BIRC6: variants seen among roughly 807,000 people sequenced by gnomAD.
BIRC6 encodes dual E2 ubiquitin-conjugating enzyme/E3 ubiquitin-protein ligase BIRC6.
BIRC6 carries 98 observed loss-of-function variants against 503.3 expected under a neutral mutation model. The observed-to-expected ratio is 0.19, with a 90% CI of 0.17 to 0.23. The LOEUF (loss-of-function observed/expected upper bound fraction) is 0.23. Ranked by LOEUF, BIRC6 falls within the 10% of genes least tolerant of loss-of-function variation. The pLI is 1.00. For synonymous variants in BIRC6, 2,240 were observed against 2,078.7 expected (o/e 1.08, Z -2.11); for missense variants, 5,360 against 5,806.0 (o/e 0.92, Z 2.50).
Position 32,538,993 on chromosome 2 carries a change from T to C in BIRC6, c.12292-4248T>C, listed in dbSNP as rs77238993. On this transcript the variant is annotated intron_variant, in intron 61 of 73. Transcript: ENST00000421745. ...TTTGAAAAGCAAACGTTTGTCAGAATAGAGGAAAAAGCAAAGCCCAAGTAT... is the reference window on the plus strand; with the variant it reads ...TTTGAAAAGCAAACGTTTGTCAGAACAGAGGAAAAAGCAAAGCCCAAGTAT... Among the ~76,000 whole-genome samples, 687 of 152,230 alleles carry C rather than the reference T, an allele frequency of 4.5e-3. 5 individuals carry two copies. The highest frequency in any genetic ancestry group is 0.016 in the African/African-American group (661 of 41,534).
chr2:32,375,947 A>C (rs1476378678), intron 1 of BIRC6, among the ~76,000 whole-genome samples: 1 of 152,050 alleles, frequency 6.6e-6, no homozygotes, highest in East Asian at 1.9e-4. Flanking sequence ...GCTCTTTGGG[A>C]GGCCCAGGCG....
At chr2:32,416,624 A>C (rs915706534) in intron 10 of BIRC6, among the ~76,000 whole-genome samples, 1 of 152,088 alleles carries the variant, frequency 6.6e-6, no homozygotes, top group African/African-American at 2.4e-5. Flanking sequence ...TACTTAGCAA[A>C]CAATTTTTAG....
At chr2:32,553,110 T>C (rs2058537529) in intron 65 of BIRC6, among the ~76,000 whole-genome samples, 1 of 135,470 alleles carries the variant, frequency 7.4e-6, no homozygotes, top group Non-Finnish European at 1.5e-5. Context: ...GGCAGGAGAA[T>C]CGCTTGAACC....
At chr2:32,577,727 C>G (rs1456816363) in intron 66 of BIRC6, among the ~76,000 whole-genome samples, 1 of 152,120 alleles carries the variant, frequency 6.6e-6, no homozygotes, top group Admixed American at 6.5e-5. Context: ...AGAAAGGAAT[C>G]TTCTTTATAA....
In BIRC6 at chr2:32,430,948, C is replaced by T; in HGVS notation, c.3106C>T (p.Pro1036Ser). 6.2e-7 allele frequency: 1 copy of T among 1,613,066 alleles called. No homozygotes were observed. The highest frequency in any genetic ancestry group is 8.5e-7 in the Non-Finnish European group (1 of 1,179,750). Residue 1036 changes from proline to serine, a missense_variant, in exon 12 of 74, where the codon CCA becomes TCA. Pro to Ser is a moderately conservative substitution (Grantham distance 74). Transcript: ENST00000421745. Reference protein sequence around the residue: ...VELTRFETLTPRFSATVPPCW... With the variant: ...VELTRFETLTSRFSATVPPCW... ...GCTAACCCGCTTTGAGACTTTGACT[C>T]CAAGGTTTTCAGCGACTGTTCCTCC...
chr2:32,431,037 A>G lies in BIRC6; in HGVS notation c.3195A>G (p.Gln1065=). ...QRRHPQHLHQ[Q]HHGDAAQHTR... is the part of the protein sequence containing the mutation. ...GGCATCCTCAACATTTGCATCAGCA[A>G]CACCATGGTGATGCTGCTCAGCATA... The change falls in exon 12 of 74, where the codon CAA becomes CAG. Residue 1065 remains glutamine, a synonymous_variant. Coordinates refer to ENST00000421745, the MANE Select transcript of BIRC6 (RefSeq NM_016252.4). The G allele has an allele frequency of 1.9e-6, 3 of 1,613,224 alleles. No homozygotes were observed. The highest frequency in any genetic ancestry group is 2.5e-6 in the Non-Finnish European group (3 of 1,179,568).
At chr2:32,565,570 C>T (rs1166019870) in intron 65 of BIRC6, 2 of 152,116 alleles carry the variant, frequency 1.3e-5, no homozygotes, top group Non-Finnish European at 2.9e-5. Flanking sequence ...ACAGATAGTA[C>T]TAACCAGTGC....
At chr2:32,543,666 G>A (rs1429320184) in intron 62 of BIRC6, 125 bp downstream of exon 62, 2 of 887,480 alleles carry the variant, frequency 2.3e-6, no homozygotes, top group Non-Finnish European at 1.7e-6. Flanking sequence ...TTTGTAAGTG[G>A]TAGCTCACTT....
intron 68 of BIRC6, among the ~76,000 whole-genome samples, chr2:32,597,031 T>G (rs1385284005): frequency 6.6e-6 from 1 of 152,230 alleles, no homozygotes; most frequent in African/African-American, 2.4e-5. Context: ...TAATCAAGTT[T>G]GCTCCCCATT....
chr2:32,571,433 C>T (rs1419545451), intron 65 of BIRC6, among the ~76,000 whole-genome samples: 2 of 83,576 alleles, frequency 2.4e-5, no homozygotes, highest in African/African-American at 9.4e-5. Context: ...GATTGAATCT[C>T]ACTGCTTGTT....
intron 3 of BIRC6, among the ~76,000 whole-genome samples, chr2:32,385,730 A>G (rs2038353519): frequency 6.6e-6 from 1 of 152,228 alleles, no homozygotes; most frequent in African/African-American, 2.4e-5. Context: ...GTCTTGTTGC[A>G]GAGTTTCTTG....
chr2:32,599,663 A>G (rs2061922224), intron 69 of BIRC6, 76 bp from the exon 70 acceptor site: 3 of 1,454,450 alleles, frequency 2.1e-6, no homozygotes, highest in Admixed American at 3.6e-5. Flanking sequence ...TTCTTATTTC[A>G]TGTTGGATTG....
intron 66 of BIRC6, among the ~76,000 whole-genome samples, chr2:32,589,467 C>A: frequency 6.6e-6 from 1 of 152,146 alleles, no homozygotes; most frequent in East Asian, 1.9e-4. Flanking sequence ...TAAGCTGGAT[C>A]TTCTAGCACT....
chr2:32,604,840 C>CG (rs1294037343), intron 71 of BIRC6, among the ~76,000 whole-genome samples: 1 of 151,540 alleles, frequency 6.6e-6, no homozygotes, highest in African/African-American at 2.4e-5. Flanking sequence ...TGGTACTAAG[C>CG]GTAGTATGCA....
intron 13 of BIRC6, among the ~76,000 whole-genome samples, chr2:32,434,651 C>T (rs952499322): frequency 2.6e-5 from 4 of 151,912 alleles, no homozygotes; most frequent in Non-Finnish European, 2.9e-5. Context: ...AATTTGAGAC[C>T]AGCCTGGGAA....
At chr2:32,517,698 C>G (rs1274813478) in intron 55 of BIRC6, among the ~76,000 whole-genome samples, 1 of 152,086 alleles carries the variant, frequency 6.6e-6, no homozygotes, top group African/African-American at 2.4e-5. Context: ...CTCAGCCTCC[C>G]AAGTAGCTGG....
rs955943619 is a variant in BIRC6 at position 32,575,428 on chromosome 2, C to T, written c.13355+62C>T. On this transcript the variant is annotated intron_variant, in intron 66 of 73. Transcript: ENST00000421745. ...TCTAACAATGTTTTTAAAATAACTC[C>T]ATGGGTGTTTTTGTTTTTCAGTGAT... 5.4e-6 allele frequency: 8 copies of T among 1,484,646 alleles called. No homozygotes were observed. The African/African-American group carries it at 9.7e-5, about 18-fold the overall frequency. The allele number at this position is 1,484,646 out of a possible 1,614,324, so 92.0% of individuals were successfully genotyped here. A position where few individuals can be genotyped will look rare whatever the true frequency, so the allele number is the denominator to read the frequency against.
intron 65 of BIRC6, among the ~76,000 whole-genome samples, chr2:32,568,505 A>G (rs2059691378): frequency 6.6e-6 from 1 of 151,018 alleles, no homozygotes; most frequent in African/African-American, 2.4e-5. Context: ...AAAAAAAAAA[A>G]AAAGGAAAAT....
At chr2:32,422,040 T>C (rs2043003779) in intron 10 of BIRC6, among the ~76,000 whole-genome samples, 1 of 152,216 alleles carries the variant, frequency 6.6e-6, no homozygotes, top group Non-Finnish European at 1.5e-5. Flanking sequence ...TCTGATGTAT[T>C]GGTTCTTTTG....
Sources: gnomAD v4.1 joint callset for allele counts (sites outside exome capture counted in the v4.1 genomes callset) on GRCh38, gnomAD v4.1.1 for gene constraint, MANE v1.5 for transcripts, NCBI Gene and HGNC (gene_info 2026-07-23, HGNC 2026-07-21) for gene names.